Variants in WLS observed in about 807,000 individuals in gnomAD.
WLS encodes the protein protein wntless homolog.
Under a neutral mutation model 62.8 loss-of-function variants are expected in WLS, and 23 were observed. The ratio of observed to expected loss-of-function variants is 0.37; its 90% CI spans 0.26 to 0.52. The LOEUF is 0.52. Among genes scored for constraint, WLS ranks in the 20% least tolerant of loss-of-function variants. The pLI is 0.92. For synonymous variants in WLS, 246 were observed against 244.1 expected (o/e 1.01, Z -0.07); for missense variants, 615 against 697.3 (o/e 0.88, Z 1.33).
chr1:68,204,956 A>G (rs1481026894), intron 1 of WLS, among the ~76,000 whole-genome samples: 1 of 152,250 alleles, frequency 6.6e-6, no homozygotes, highest in African/African-American at 2.4e-5. Flanking sequence ...TTAAACATGC[A>G]AGTCCTCCAG....
At chr1:68,196,964 C>T (rs1238256791) in intron 1 of WLS, among the ~76,000 whole-genome samples, 1 of 152,116 alleles carries the variant, frequency 6.6e-6, no homozygotes, top group African/African-American at 2.4e-5. Flanking sequence ...GAGAAATAAA[C>T]AGTGAGACAA....
In WLS at chr1:68,209,248, G is replaced by A. The variant is rs1649408798; in HGVS notation, c.107-15021C>T. ...CCTCTGCTTTACCCCAATCATCCAG[G>A]CTTACAAGAAAAATTCATACTCCAT... On this transcript the variant is annotated intron_variant, in intron 1 of 11. Coordinates refer to ENST00000262348, the MANE Select transcript of WLS (RefSeq NM_024911.7). Among the ~76,000 whole-genome samples the A allele has an allele frequency of 2.0e-5, 3 of 152,126 alleles. No homozygotes were observed. In the South Asian group the frequency reaches 6.2e-4, roughly 32 times the overall value.
chr1:68,154,147 C>G (rs1045605702), intron 4 of WLS, among the ~76,000 whole-genome samples: 3 of 152,078 alleles, frequency 2.0e-5, no homozygotes, highest in Non-Finnish European at 4.4e-5. Context: ...AAAAAAGCCA[C>G]ATTTGAGGTA....
At chr1:68,191,154 A>G (rs1414684835) in intron 2 of WLS, among the ~76,000 whole-genome samples, 4 of 152,048 alleles carry the variant, frequency 2.6e-5, no homozygotes, top group African/African-American at 9.6e-5. Context: ...GACAGTAATT[A>G]TTTATTATTA....
rs1646880293 is a variant in WLS, at chr1:68,155,237, G to A, written c.528C>T (p.Tyr176=). The A allele has an allele frequency of 6.2e-7, 1 of 1,613,640 alleles. No homozygotes were observed. The highest frequency in any genetic ancestry group is 1.3e-5 in the African/African-American group (1 of 75,030). Reference sequence around the variant, plus strand: ...TGAAAGGAAGGACATCACATTCATAGTAACGGCCCTCATGCTCTGGAGTCT... The same window carrying A: ...TGAAAGGAAGGACATCACATTCATAATAACGGCCCTCATGCTCTGGAGTCT... ...SPKTPEHEGR[Y]YECDVLPFME... The change falls in exon 4 of 12, where the codon TAC becomes TAT. Residue 176 remains tyrosine (Y), a synonymous_variant. Coordinates refer to ENST00000262348, the MANE Select transcript of WLS (RefSeq NM_024911.7).
intron 1 of WLS, 138 bp from the exon 2 acceptor site, chr1:68,194,365 T>A: frequency 1.8e-6 from 2 of 1,124,102 alleles, no homozygotes; most frequent in East Asian, 2.6e-5. Flanking sequence ...TACTTAGGGA[T>A]CTTCCAAATC....
chr1:68,117,856 C>G (rs1231614058), intron 11 of WLS: 1 of 152,134 alleles, frequency 6.6e-6, no homozygotes, highest in African/African-American at 2.4e-5. Flanking sequence ...ATCTCCCCAG[C>G]TTGCTAGATC....
chr1:68,200,663 G>A (rs533107207), intron 1 of WLS, among the ~76,000 whole-genome samples: 1 of 151,030 alleles, frequency 6.6e-6, no homozygotes, highest in South Asian at 2.1e-4. Flanking sequence ...ATGAATATAA[G>A]CTCCCAAAAC....
At chr1:68,171,150 A>G (rs1647147788) in intron 2 of WLS, among the ~76,000 whole-genome samples, 1 of 152,122 alleles carries the variant, frequency 6.6e-6, no homozygotes, top group South Asian at 2.1e-4. Flanking sequence ...TCCACCAAAT[A>G]TTTTTGAGCA....
intron 11 of WLS, among the ~76,000 whole-genome samples, chr1:68,108,961 T>C (rs924512934): frequency 1.3e-5 from 2 of 152,188 alleles, no homozygotes; most frequent in Admixed American, 6.5e-5. Flanking sequence ...TCTGGTACTA[T>C]AAGGAATGAA....
chr1:68,147,498 CAG>C (rs919397809), intron 8 of WLS, among the ~76,000 whole-genome samples: 3 of 152,336 alleles, frequency 2.0e-5, no homozygotes, highest in African/African-American at 7.2e-5. Context: ...CACTCCAGAG[CAG>C]AGTCTTTTTC....
At chr1:68,117,025 C>G (rs1274543266) in intron 11 of WLS, among the ~76,000 whole-genome samples, 1 of 152,136 alleles carries the variant, frequency 6.6e-6, no homozygotes, top group Non-Finnish European at 1.5e-5. Flanking sequence ...GCATTCAACT[C>G]ACAAAAAATC....
intron 11 of WLS, among the ~76,000 whole-genome samples, chr1:68,130,562 AATG>A (rs1409807687): frequency 6.6e-6 from 1 of 152,192 alleles, no homozygotes; most frequent in Non-Finnish European, 1.5e-5. Flanking sequence ...GCTAAGTTCA[AATG>A]ATAACTTTTT....
At chr1:68,164,007 C>T (rs1052292677) in intron 2 of WLS, among the ~76,000 whole-genome samples, 3 of 152,044 alleles carry the variant, frequency 2.0e-5, no homozygotes, top group African/African-American at 4.8e-5. Flanking sequence ...GAAGAAATCT[C>T]GGAAAAGGAA....
intron 3 of WLS, among the ~76,000 whole-genome samples, chr1:68,155,674 C>T (rs1452323639): frequency 3.9e-5 from 6 of 152,164 alleles, no homozygotes; most frequent in South Asian, 4.1e-4. Flanking sequence ...GCTTCTTAAA[C>T]GTTCAGGTGG....
At chr1:68,221,121 C>T (rs1313914876) in intron 1 of WLS, among the ~76,000 whole-genome samples, 1 of 152,126 alleles carries the variant, frequency 6.6e-6, no homozygotes, top group Non-Finnish European at 1.5e-5. Context: ...TCTCTTTCAT[C>T]AACTATTACC....
chr1:68,108,881 G>A (rs1175539091), intron 11 of WLS, among the ~76,000 whole-genome samples: 3 of 151,970 alleles, frequency 2.0e-5, no homozygotes, highest in Admixed American at 6.6e-5. Flanking sequence ...ATATATATGA[G>A]GGAAAGAAAT....
intron 2 of WLS, among the ~76,000 whole-genome samples, chr1:68,181,703 C>T (rs1388187047): frequency 5.9e-5 from 9 of 152,188 alleles, no homozygotes. Context: ...TGCCCTGGCT[C>T]CAGCCAGCTG....
intron 1 of WLS, among the ~76,000 whole-genome samples, chr1:68,231,286 G>A (rs1236508622): frequency 2.6e-5 from 4 of 152,154 alleles, no homozygotes; most frequent in African/African-American, 9.7e-5. Context: ...GCACGCCAGG[G>A]GAGGTCTCCC....
Sources: allele counts gnomAD v4.1 joint callset (sites outside exome capture counted in the v4.1 genomes callset), GRCh38; gene constraint gnomAD v4.1.1; transcripts MANE v1.5; gene names NCBI Gene and HGNC (gene_info 2026-07-23, HGNC 2026-07-21).